SUN1: variants seen among roughly 807,000 people sequenced by gnomAD.
The protein encoded by SUN1 is SUN domain-containing protein 1.
SUN1 carries 61 observed loss-of-function variants against 103.2 expected under a neutral mutation model. The ratio of observed to expected loss-of-function variants is 0.59; its 90% CI spans 0.48 to 0.73. The LOEUF (loss-of-function observed/expected upper bound fraction) is 0.73, where lower values mean the gene tolerates loss of function less well. Among genes scored for constraint, SUN1 ranks in the 30% least tolerant of loss-of-function variants. SUN1 has a pLI of 0.00. For synonymous variants in SUN1, 490 were observed against 425.7 expected (o/e 1.15, Z -1.86); for missense variants, 1,052 against 1,034.6 (o/e 1.02, Z -0.23).
chr7:871,888 G>A (rs1282096520), intron 17 of SUN1, among the ~76,000 whole-genome samples: 1 of 152,230 alleles, frequency 6.6e-6, no homozygotes, highest in African/African-American at 2.4e-5. Context: ...TAAGTGCACA[G>A]TCCAGTGGCG....
intron 2 of SUN1, chr7:841,702 C>T (rs1043366699): frequency 1.9e-5 from 9 of 469,112 alleles, no homozygotes; most frequent in African/African-American, 1.6e-4. Context: ...CACTTGGGGT[C>T]ATGGTGCCCA....
intron 17 of SUN1, among the ~76,000 whole-genome samples, chr7:870,970 A>G (rs994873001): frequency 1.3e-5 from 2 of 148,754 alleles, no homozygotes; most frequent in Non-Finnish European, 3.0e-5. Context: ...AGCTCACCAC[A>G]ATCTCCGCCT....
intron 5 of SUN1, 110 bp from the exon 6 acceptor site, chr7:851,274 A>T (rs1821849936): frequency 6.8e-6 from 6 of 884,576 alleles, no homozygotes; most frequent in African/African-American, 1.7e-5. Context: ...CTCTTGACCC[A>T]CCGATGCAGG....
upstream of SUN1, among the ~76,000 whole-genome samples, chr7:830,221 C>T (rs779220938): frequency 2.0e-5 from 3 of 152,196 alleles, no homozygotes; most frequent in Non-Finnish European, 2.9e-5. Context: ...AGAGCACCTG[C>T]CTTGGGGACG....
upstream of SUN1, chr7:816,339 C>T (rs1333571089): frequency 4.6e-6 from 1 of 215,248 alleles, no homozygotes; most frequent in Non-Finnish European, 9.3e-6. Flanking sequence ...CAGATGCAGG[C>T]CTTTCCCCCG....
intron 15 of SUN1, among the ~76,000 whole-genome samples, chr7:865,095 T>C (rs1342492872): frequency 6.6e-6 from 1 of 152,182 alleles, no homozygotes; most frequent in Non-Finnish European, 1.5e-5. Context: ...ATGCCTGGCT[T>C]ATTTCACTTA....
Position 842,077 on chromosome 7 carries a change from C to A in SUN1, c.398C>A (p.Pro133His), listed in dbSNP as rs367835809. ...SLQDAVTRRP[P>H]VLDESWIREQ... ...CAGGATGCTGTGACTCGACGGCCTC[C>A]TGTATTGGACGAGTCTTGGATTCGT... The change falls in exon 3 of 19, where the codon CCT (proline) becomes CAT (histidine). Residue 133 changes from proline to histidine, a missense_variant. By Grantham distance (77) the Pro-to-His change is moderately conservative (BLOSUM62 -2). Transcript: ENST00000401592. The A allele has an allele frequency of 6.2e-7, 1 of 1,614,244 alleles. No homozygotes were observed. The highest frequency in any genetic ancestry group is 8.5e-7 in the Non-Finnish European group (1 of 1,180,056).
At chr7:865,390 C>T (rs777400866) in intron 15 of SUN1, among the ~76,000 whole-genome samples, 15 of 152,222 alleles carry the variant, frequency 9.9e-5, no homozygotes, top group Non-Finnish European at 1.5e-4. Flanking sequence ...GGATTACAAG[C>T]GTGAGCCACT....
At chr7:842,902 G>A in intron 3 of SUN1, 1 of 532,372 alleles carries the variant, frequency 1.9e-6, no homozygotes, top group South Asian at 2.3e-5. Context: ...GTGCCTTGCT[G>A]AGCGGGCTGT....
At chr7:835,992 A>T (rs971731299) in intron 1 of SUN1, among the ~76,000 whole-genome samples, 1 of 152,220 alleles carries the variant, frequency 6.6e-6, no homozygotes, top group African/African-American at 2.4e-5. Flanking sequence ...GGCGGGAAGA[A>T]GGGGCAACTC....
chr7:852,812 G>C lies in SUN1; in HGVS notation c.913G>C (p.Gly305Arg), dbSNP rs757841110. 1 of 1,612,378 alleles carries C rather than the reference G, an allele frequency of 6.2e-7. No individual in the cohort carries two copies. Among genetic ancestry groups the C allele is most frequent in the South Asian group, 1.1e-5 (1 of 90,898 alleles). ...LLIPLFLLLA[G>R]LSLRGQGNFF... ...GTGTGGTGGCTCTTCTCTTTTAGCAGGTCTCTCCTTACGGGGCCAGGGCAA... is the reference window on the plus strand; with the variant it reads ...GTGTGGTGGCTCTTCTCTTTTAGCACGTCTCTCCTTACGGGGCCAGGGCAA... Residue 305 changes from glycine to arginine, a missense_variant and splice_region_variant, in exon 9 of 19, where the codon GGT becomes CGT. By Grantham distance (125) the Gly-to-Arg change is moderately radical. Transcript: ENST00000401592.
chr7:870,332 G>A (rs543428445), intron 17 of SUN1, among the ~76,000 whole-genome samples: 3 of 152,090 alleles, frequency 2.0e-5, no homozygotes, highest in African/African-American at 7.2e-5. Flanking sequence ...GCTCATGCCT[G>A]TAATCCTAGC....
rs1554264398 is a variant in SUN1 at position 861,385 on chromosome 7, A to T, written c.1785A>T (p.Ala595=). 3 of 1,614,068 alleles carry T rather than the reference A, an allele frequency of 1.9e-6. No individual in the cohort carries two copies. The highest frequency in any genetic ancestry group is 2.5e-6 in the Non-Finnish European group (3 of 1,180,040). ...AGASGITEAQ[A]RAIVNSALKL... ...CGTCCCTCGTGTCTGTCCAGCAAGC[A>T]CGTGCCATCGTGAACAGCGCCTTGA... The change falls in exon 15 of 19, where the codon GCA becomes GCT. Residue 595 remains alanine, a synonymous_variant. Transcript: ENST00000401592.
At chr7:825,804 GC>G (rs1791184453) in intron 1 of SUN1, among the ~76,000 whole-genome samples, 1 of 151,594 alleles carries the variant, frequency 6.6e-6, no homozygotes, top group Admixed American at 6.6e-5. Flanking sequence ...TTTTTAATCT[GC>G]AGGAAAAATA....
chr7:846,885 G>A (rs1816362446), intron 5 of SUN1, among the ~76,000 whole-genome samples: 1 of 152,048 alleles, frequency 6.6e-6, no homozygotes, highest in African/African-American at 2.4e-5. Context: ...ATGGTGGCCA[G>A]CGCCTGTAAT....
At chr7:829,602 T>C (rs1374362203), upstream of SUN1, among the ~76,000 whole-genome samples, 2 of 151,348 alleles carry the variant, frequency 1.3e-5, no homozygotes, top group Non-Finnish European at 2.9e-5. Flanking sequence ...TCGCCCAGGC[T>C]GGAGTGCAGT....
At chr7:851,765 T>C (rs1355630838) in intron 6 of SUN1, 185 bp from the exon 7 acceptor site, 1 of 640,342 alleles carries the variant, frequency 1.6e-6, no homozygotes, top group Admixed American at 2.9e-5. Flanking sequence ...CATTCTGTCC[T>C]GTGTGTTCAT....
At position 873,245 on chromosome 7, in the gene SUN1, G is replaced by T; in HGVS notation, c.2272G>T (p.Val758Leu). 6.2e-7 allele frequency: 1 copy of T among 1,614,248 alleles called. No homozygotes were observed. Among genetic ancestry groups the T allele is most frequent in the Non-Finnish European group, 8.5e-7 (1 of 1,180,050 alleles). ...ACCCGACGACACAGCTTTCCAAATA[G>T]TGGAACTTCGGATTTTTTCTAACTG... ...KRPDDTAFQIVELRIFSNWGH... is the reference protein window; with the variant it reads ...KRPDDTAFQILELRIFSNWGH... Residue 758 changes from valine (V) to leucine (L), a missense_variant, in exon 19 of 19, where the codon GTG becomes TTG. Around this residue, in one of 2 missense-constraint regions of SUN1, gnomAD observed 206 missense variants for 260.1 expected, o/e 0.79. Transcript: ENST00000401592.
intron 5 of SUN1, among the ~76,000 whole-genome samples, chr7:845,187 G>A (rs1465100195): frequency 6.6e-6 from 1 of 152,178 alleles, no homozygotes; most frequent in Non-Finnish European, 1.5e-5. Context: ...CAGTATGCTG[G>A]CGGTCAGGGC....
Sources: allele counts gnomAD v4.1 joint callset (sites outside exome capture counted in the v4.1 genomes callset), GRCh38; gene constraint gnomAD v4.1.1; regional missense constraint gnomAD v4.1.1; transcripts MANE v1.5; gene names NCBI Gene and HGNC (gene_info 2026-07-23, HGNC 2026-07-21).